Variants in AP3B1 observed in about 807,000 individuals in gnomAD.
The protein encoded by AP3B1 is adaptor related protein complex 3 subunit beta 1, also known as AP-3 complex subunit beta-1.
In AP3B1, 61 loss-of-function variants were observed where a neutral mutation model predicts 132.5. The observed-to-expected ratio is 0.46, with a 90% CI of 0.37 to 0.57. The LOEUF (loss-of-function observed/expected upper bound fraction) is 0.57. Among genes scored for constraint, AP3B1 ranks in the 20% least tolerant of loss-of-function variants. The pLI is 0.00. For missense variants in AP3B1, 1,120 were observed against 1,289.4 expected, an observed-to-expected ratio of 0.87 and a Z score of 2.01; for synonymous variants, 388 against 438.3, an observed-to-expected ratio of 0.89 and a Z score of 1.43.
At chr5:78,285,314 C>G (rs941634899) in intron 1 of AP3B1, among the ~76,000 whole-genome samples, 22 of 152,066 alleles carry the variant, frequency 1.4e-4, no homozygotes, top group Non-Finnish European at 4.4e-5. Context: ...ACTCATGAGG[C>G]TTTCAGCCCC....
intron 2 of AP3B1, among the ~76,000 whole-genome samples, chr5:78,261,690 T>G (rs924592816): frequency 6.6e-6 from 1 of 151,740 alleles, no homozygotes; most frequent in East Asian, 1.9e-4. Flanking sequence ...GGTCTCGAAC[T>G]CCTGACCTCA....
intron 24 of AP3B1, among the ~76,000 whole-genome samples, chr5:78,033,351 G>A (rs2112089800): frequency 6.6e-6 from 1 of 152,116 alleles, no homozygotes; most frequent in East Asian, 1.9e-4. Flanking sequence ...GTGATGATCT[G>A]CATAAAATCA....
At chr5:78,179,698 T>C (rs1465163956) in intron 8 of AP3B1, among the ~76,000 whole-genome samples, 1 of 152,142 alleles carries the variant, frequency 6.6e-6, no homozygotes, top group Admixed American at 6.6e-5. Context: ...TCAGTATCTA[T>C]CTCCAGTACA....
intron 20 of AP3B1, among the ~76,000 whole-genome samples, chr5:78,105,244 T>C (rs60631276): frequency 0.011 from 1,675 of 152,182 alleles, 30 homozygotes; most frequent in African/African-American, 0.038. Context: ...GAATATTGCA[T>C]CATGAATAAG....
In AP3B1 at chr5:78,009,728, A is replaced by C. The variant is rs550278311; in HGVS notation, c.3131+5682T>G. On this transcript the variant is annotated intron_variant, in intron 26 of 26. Transcript: ENST00000255194. ...CATATGGTAAAAGCTTGCAAATTTA[A>C]AAAGTGACAGGATAAACAAAATCCA... Among the ~76,000 whole-genome samples the C allele has an allele frequency of 3.3e-5, 5 of 150,762 alleles. No individual in the cohort carries two copies. In the South Asian group the frequency reaches 1.1e-3, roughly 32 times the overall value.
intron 22 of AP3B1, among the ~76,000 whole-genome samples, chr5:78,077,708 T>G (rs1006915108): frequency 1.3e-5 from 2 of 152,236 alleles, no homozygotes; most frequent in African/African-American, 4.8e-5. Flanking sequence ...TCCAGCCACC[T>G]AGGCAAACTC....
intron 13 of AP3B1, among the ~76,000 whole-genome samples, chr5:78,159,173 A>T (rs1743285939): frequency 6.6e-6 from 1 of 152,254 alleles, no homozygotes; most frequent in Admixed American, 6.5e-5. Context: ...GCATAGTATA[A>T]CAAATTTATA....
chr5:78,105,905 G>A (rs1751312335), intron 20 of AP3B1, among the ~76,000 whole-genome samples: 1 of 152,136 alleles, frequency 6.6e-6, no homozygotes, highest in Non-Finnish European at 1.5e-5. Context: ...GGCATTTTAA[G>A]AACATAAATA....
At chr5:78,227,268 G>T in intron 5 of AP3B1, 104 bp downstream of exon 5, 1 of 1,102,086 alleles carries the variant, frequency 9.1e-7, no homozygotes. Flanking sequence ...TTTACTTAGT[G>T]TAAGAGCAGC....
At chr5:78,172,337 C>G (rs1243286815) in intron 11 of AP3B1, among the ~76,000 whole-genome samples, 1 of 152,182 alleles carries the variant, frequency 6.6e-6, no homozygotes, top group Non-Finnish European at 1.5e-5. Flanking sequence ...CTTTGTACCT[C>G]TGGTAGAATT....
chr5:78,235,091 G>A (rs935675568), intron 3 of AP3B1, among the ~76,000 whole-genome samples: 1 of 152,056 alleles, frequency 6.6e-6, no homozygotes, highest in Non-Finnish European at 1.5e-5. Context: ...AAACTCCTGG[G>A]CTCAAGAGAG....
In AP3B1 at chr5:78,166,653, T is replaced by C. The variant is rs181048412; in HGVS notation, c.1168-981A>G. Among the ~76,000 whole-genome samples the C allele has an allele frequency of 6.4e-3, 977 of 152,140 alleles. 11 individuals are homozygous for C. The highest frequency in any genetic ancestry group is 0.022 in the African/African-American group (934 of 41,532). On this transcript the variant is annotated intron_variant, in intron 11 of 26. Transcript: ENST00000255194. ...ACAGAAGCAAATCAAGATGTGAACA[T>C]AAATACATTCATATCAATAAACTAC... is the stretch of plus-strand genomic sequence containing the variant.
At chr5:78,070,864 C>T (rs550930823) in intron 22 of AP3B1, among the ~76,000 whole-genome samples, 1 of 152,304 alleles carries the variant, frequency 6.6e-6, no homozygotes, top group African/African-American at 2.4e-5. Context: ...CAATGAGATA[C>T]CATCTCATGC....
At chr5:78,145,336 G>A (rs1380430693) in intron 14 of AP3B1, among the ~76,000 whole-genome samples, 5 of 152,002 alleles carry the variant, frequency 3.3e-5, no homozygotes, top group South Asian at 2.1e-4. Context: ...GTCATTCATC[G>A]CCAAAGCCCT....
chr5:78,044,031 C>A, intron 22 of AP3B1: 1 of 293,528 alleles, frequency 3.4e-6, no homozygotes, highest in Non-Finnish European at 6.7e-6. Context: ...AGGAAAATCT[C>A]CTTGTTAGAA....
chr5:78,272,348 G>C (rs1185666112), intron 1 of AP3B1, among the ~76,000 whole-genome samples: 2 of 152,120 alleles, frequency 1.3e-5, no homozygotes, highest in African/African-American at 2.4e-5. Context: ...AGGATCTCTT[G>C]AGGTCATGGT....
intron 7 of AP3B1, among the ~76,000 whole-genome samples, chr5:78,204,290 A>T (rs1484652242): frequency 1.3e-5 from 2 of 152,184 alleles, no homozygotes; most frequent in Non-Finnish European, 2.9e-5. Context: ...ATTTCTGAAA[A>T]GAGTACATTC....
At chr5:78,103,689 A>G (rs1284570129) in intron 20 of AP3B1, among the ~76,000 whole-genome samples, 1 of 152,138 alleles carries the variant, frequency 6.6e-6, no homozygotes, top group Non-Finnish European at 1.5e-5. Context: ...CTCACCACAA[A>G]AAATACCTAG....
chr5:78,119,814 C>T (rs530879948), intron 17 of AP3B1, among the ~76,000 whole-genome samples: 1 of 152,302 alleles, frequency 6.6e-6, no homozygotes, highest in Admixed American at 6.5e-5. Context: ...GAAAGGCCAA[C>T]ATTCGGATTC....
Sources: allele counts gnomAD v4.1 joint callset (sites outside exome capture counted in the v4.1 genomes callset), GRCh38; gene constraint gnomAD v4.1.1; transcripts MANE v1.5; gene names NCBI Gene and HGNC (gene_info 2026-07-23, HGNC 2026-07-21).